PRKCI: variants seen among roughly 807,000 people sequenced by gnomAD.
PRKCI encodes the protein protein kinase C iota, also known as protein kinase C iota type.
A neutral mutation model predicts 84.0 loss-of-function variants in PRKCI; 43 were observed. The ratio of observed to expected loss-of-function variants is 0.51; its 90% CI spans 0.40 to 0.66. The LOEUF is 0.66. PRKCI is among the 30% of genes least tolerant of loss of function. The probability of loss-of-function intolerance (pLI) is 0.00; values close to 1 mark genes in which losing one functional copy is unlikely to be tolerated. For missense variants in PRKCI, 459 were observed against 745.6 expected (o/e 0.62, Z 4.48); for synonymous variants, 216 against 234.4 (o/e 0.92, Z 0.72).
At chr3:170,251,916 A>C (rs1037059766) in intron 2 of PRKCI, among the ~76,000 whole-genome samples, 5 of 150,640 alleles carry the variant, frequency 3.3e-5, no homozygotes, top group African/African-American at 1.2e-4. Flanking sequence ...AAAAAAAAAA[A>C]AGAAATTAGG....
chr3:170,232,677 G>C (rs1373245433), intron 1 of PRKCI, among the ~76,000 whole-genome samples: 1 of 151,726 alleles, frequency 6.6e-6, no homozygotes, highest in Non-Finnish European at 1.5e-5. Flanking sequence ...AATGATTCTC[G>C]TGAGTAGCTG....
chr3:170,275,391 G>A, intron 8 of PRKCI, 104 bp downstream of exon 8: 1 of 1,017,738 alleles, frequency 9.8e-7, no homozygotes, highest in Non-Finnish European at 1.3e-6. Flanking sequence ...AGATCATAAT[G>A]GTGAAATGCA....
intron 2 of PRKCI, among the ~76,000 whole-genome samples, chr3:170,241,261 T>C (rs2108839812): frequency 6.6e-6 from 1 of 152,336 alleles, no homozygotes; most frequent in Non-Finnish European, 1.5e-5. Context: ...GTAGTCACCA[T>C]GCTATGCAAT....
At chr3:170,239,687 A>G (rs577182706) in intron 2 of PRKCI, among the ~76,000 whole-genome samples, 1 of 149,970 alleles carries the variant, frequency 6.7e-6, no homozygotes, top group East Asian at 2.0e-4. Context: ...AAGCCTTCCT[A>G]TCTCCATTCA....
intron 8 of PRKCI, among the ~76,000 whole-genome samples, chr3:170,278,889 C>T (rs1223664642): frequency 1.3e-5 from 2 of 152,196 alleles, no homozygotes; most frequent in African/African-American, 4.8e-5. Flanking sequence ...ACTCATTACA[C>T]AGGAACACAC....
intron 5 of PRKCI, among the ~76,000 whole-genome samples, chr3:170,268,552 T>C (rs1733921254): frequency 6.6e-6 from 1 of 151,490 alleles, no homozygotes; most frequent in East Asian, 1.9e-4. Flanking sequence ...GTAAGAAAAT[T>C]GAATTTTAAA....
At chr3:170,283,252 A>G (rs1577368928) in intron 11 of PRKCI, among the ~76,000 whole-genome samples, 1 of 152,324 alleles carries the variant, frequency 6.6e-6, no homozygotes, top group East Asian at 1.9e-4. Context: ...CATCAGTACC[A>G]TGTTTTGTTT....
At chr3:170,227,950 A>G (rs1383096620) in intron 1 of PRKCI, among the ~76,000 whole-genome samples, 2 of 152,184 alleles carry the variant, frequency 1.3e-5, no homozygotes, top group Non-Finnish European at 2.9e-5. Context: ...TTTAAGGGGT[A>G]GTATCAGTAG....
intron 2 of PRKCI, among the ~76,000 whole-genome samples, chr3:170,254,073 G>C (rs1733522760): frequency 6.6e-6 from 1 of 151,316 alleles, no homozygotes; most frequent in South Asian, 2.1e-4. Context: ...CTCCAGCCTG[G>C]GTGACAGAGC....
At position 170,284,633 on chromosome 3, in the gene PRKCI, A is replaced by C. The variant is rs778366539; in HGVS notation, c.1203+37A>C. 2.4e-5 allele frequency: 37 copies of C among 1,572,016 alleles called. No homozygotes were observed. The Admixed American group carries it at 7.3e-4, about 31-fold the overall frequency. ...TTTCTAGTTATTTTAAAAGGTCTTCAGCAGCTAGTAGTCTTTGTAAAATAA... is the reference window on the plus strand; with the variant it reads ...TTTCTAGTTATTTTAAAAGGTCTTCCGCAGCTAGTAGTCTTTGTAAAATAA... On this transcript the variant is annotated intron_variant, in intron 12 of 17. Coordinates refer to ENST00000295797, the MANE Select transcript of PRKCI (RefSeq NM_002740.6).
chr3:170,266,934 A>C (rs566341806), intron 4 of PRKCI, among the ~76,000 whole-genome samples: 1 of 152,346 alleles, frequency 6.6e-6, no homozygotes, highest in South Asian at 2.1e-4. Flanking sequence ...CGGAGGTTGC[A>C]GTGGGCTGAG....
chr3:170,251,900 T>C (rs569325361), intron 2 of PRKCI, among the ~76,000 whole-genome samples: 1 of 132,696 alleles, frequency 7.5e-6, no homozygotes, highest in Non-Finnish European at 1.6e-5. Flanking sequence ...ACAACAAGAC[T>C]GTCTCAAAAA....
intron 8 of PRKCI, among the ~76,000 whole-genome samples, chr3:170,277,693 CAAAA>C (rs113442053): frequency 1.3e-5 from 1 of 79,278 alleles, no homozygotes. Context: ...GACTCCGTCT[CAAAA>C]AAAAAAAAAA....
intron 17 of PRKCI, among the ~76,000 whole-genome samples, chr3:170,299,547 C>T (rs1734771779): frequency 6.6e-6 from 1 of 152,204 alleles, no homozygotes; most frequent in African/African-American, 2.4e-5. Flanking sequence ...TTTATACAAC[C>T]ATTCAGTTAC....
At chr3:170,269,493 T>C (rs1733948689) in intron 5 of PRKCI, among the ~76,000 whole-genome samples, 1 of 151,806 alleles carries the variant, frequency 6.6e-6, no homozygotes, top group Admixed American at 6.6e-5. Flanking sequence ...TGAGATCCCA[T>C]CTCTACAAAA....
intron 14 of PRKCI, among the ~76,000 whole-genome samples, chr3:170,294,266 C>G (rs1176264419): frequency 6.6e-6 from 1 of 152,116 alleles, no homozygotes; most frequent in Non-Finnish European, 1.5e-5. Context: ...AGGGAATATA[C>G]AGAATTGACA....
intron 5 of PRKCI, among the ~76,000 whole-genome samples, chr3:170,268,919 T>A: frequency 6.6e-6 from 1 of 152,048 alleles, no homozygotes; most frequent in African/African-American, 2.4e-5. Flanking sequence ...TTTATTTATT[T>A]TTTTTTTATT....
intron 4 of PRKCI, among the ~76,000 whole-genome samples, chr3:170,264,292 GT>G (rs1733806244): frequency 6.8e-6 from 1 of 146,166 alleles, no homozygotes; most frequent in Non-Finnish European, 1.5e-5. Context: ...TGTTGTTGTT[GT>G]TTTTGAGACA....
At chr3:170,231,493 C>T (rs1330717481) in intron 1 of PRKCI, among the ~76,000 whole-genome samples, 4 of 151,802 alleles carry the variant, frequency 2.6e-5, no homozygotes, top group African/African-American at 7.3e-5. Context: ...GAGACAGAGT[C>T]TCACTCTGTC....
Sources: allele counts gnomAD v4.1 joint callset (sites outside exome capture counted in the v4.1 genomes callset), GRCh38; gene constraint gnomAD v4.1.1; transcripts MANE v1.5; gene names NCBI Gene and HGNC (gene_info 2026-07-23, HGNC 2026-07-21).